The following SCUBE1 variants were observed in gnomAD, a reference collection of about 807,000 sequenced individuals.
SCUBE1 encodes signal peptide, CUB and EGF-like domain-containing protein 1.
A neutral mutation model predicts 124.4 loss-of-function variants in SCUBE1; 59 were observed. The ratio of observed to expected loss-of-function variants is 0.47; its 90% confidence interval spans 0.38 to 0.59. SCUBE1 has a LOEUF of 0.59. Among genes scored for constraint, SCUBE1 ranks in the 20% least tolerant of loss-of-function variants. SCUBE1 has a pLI of 0.00. For missense variants in SCUBE1, 1,150 were observed against 1,371.2 expected, an observed-to-expected ratio of 0.84 and a Z score of 2.55; for synonymous variants, 545 against 550.9, an observed-to-expected ratio of 0.99 and a Z score of 0.15.
chr22:43,296,629 G>A (rs931689265), intron 3 of SCUBE1, among the ~76,000 whole-genome samples: 1 of 152,208 alleles, frequency 6.6e-6, no homozygotes, highest in Non-Finnish European at 1.5e-5. Flanking sequence ...TCCATGCCCG[G>A]TCCTGGGAGG....
At chr22:43,305,958 T>A (rs1288015627) in intron 3 of SCUBE1, among the ~76,000 whole-genome samples, 2 of 152,072 alleles carry the variant, frequency 1.3e-5, no homozygotes, top group Admixed American at 6.5e-5. Flanking sequence ...TGGGATGAGG[T>A]GGGTGACAGG....
At chr22:43,271,179 GT>G (rs61344112) in intron 4 of SCUBE1, among the ~76,000 whole-genome samples, 2,525 of 152,284 alleles carry the variant, frequency 0.017, 74 homozygotes, top group African/African-American at 0.058. Context: ...AAGTGCCTAG[GT>G]TGGACTGGGG....
intron 7 of SCUBE1, 132 bp from the exon 8 acceptor site, chr22:43,232,007 T>A: frequency 9.4e-7 from 1 of 1,068,326 alleles, no homozygotes; most frequent in Non-Finnish European, 1.4e-6. Flanking sequence ...CCAAGCTGGC[T>A]GCTGGCTCCC....
intron 20 of SCUBE1, 49 bp downstream of exon 20, chr22:43,208,023 G>C: frequency 6.2e-7 from 1 of 1,604,412 alleles, no homozygotes; most frequent in Middle Eastern, 1.7e-4. Context: ...GTGTCTCCAG[G>C]GCCCCGCCTG....
At chr22:43,278,134 A>G (rs1222069041) in intron 4 of SCUBE1, among the ~76,000 whole-genome samples, 2 of 152,212 alleles carry the variant, frequency 1.3e-5, no homozygotes. Flanking sequence ...AATGGGCTGG[A>G]TTTATTGTCC....
At chr22:43,227,092 A>C (rs1922348629) in intron 10 of SCUBE1, among the ~76,000 whole-genome samples, 1 of 152,174 alleles carries the variant, frequency 6.6e-6, no homozygotes, top group South Asian at 2.1e-4. Flanking sequence ...GCTGGGCTGC[A>C]CATGGACCTG....
At chr22:43,238,769 T>C in intron 7 of SCUBE1, 69 bp downstream of exon 7, 1 of 1,296,290 alleles carries the variant, frequency 7.7e-7, no homozygotes, top group Non-Finnish European at 1.1e-6. Context: ...GGCCCGGCTA[T>C]GCAAGCACAC....
chr22:43,304,298 A>C (rs917652589), intron 3 of SCUBE1, among the ~76,000 whole-genome samples: 1 of 152,228 alleles, frequency 6.6e-6, no homozygotes. Context: ...GTATTTGTTC[A>C]CTCAGTCACT....
At chr22:43,285,617 C>G (rs767848347) in intron 4 of SCUBE1, among the ~76,000 whole-genome samples, 1 of 152,182 alleles carries the variant, frequency 6.6e-6, no homozygotes, top group Non-Finnish European at 1.5e-5. Context: ...AATGGGCTGT[C>G]CAGTGGGTGG....
chr22:43,327,125 C>T (rs75698565), intron 2 of SCUBE1, among the ~76,000 whole-genome samples: 1,612 of 152,218 alleles, frequency 0.011, 30 homozygotes, highest in African/African-American at 0.035. Context: ...CCTTGCTGAC[C>T]GACTCTCATG....
chr22:43,258,247 G>A lies in SCUBE1; in HGVS notation c.699C>T (p.Ala233=), dbSNP rs150910484. The A allele has an allele frequency of 7.0e-4, 1,127 of 1,613,846 alleles. 5 individuals are homozygous for A. In the African/African-American group the frequency reaches 0.013, roughly 19 times the overall value. Residue 233 remains alanine (A), a synonymous_variant, in exon 6 of 22, where the codon GCC becomes GCT. Coordinates refer to ENST00000360835, the MANE Select transcript of SCUBE1 (RefSeq NM_173050.5). This position sits in a 1 kb window ranked among gnomAD's most constrained non-coding sequence, Gnocchi z 5.0. ...TGCACGTGCGACCGTCTGAGTGGAGGGCGTACTTCTGGTGGCAACCACACG... is the reference window on the plus strand; with the variant it reads ...TGCACGTGCGACCGTCTGAGTGGAGAGCGTACTTCTGGTGGCAACCACACG... ...GPTCGCHQKY[A]LHSDGRTCIE...
intron 4 of SCUBE1, among the ~76,000 whole-genome samples, chr22:43,270,836 C>T (rs374417744): frequency 1.3e-5 from 2 of 152,162 alleles, no homozygotes; most frequent in East Asian, 3.9e-4. Context: ...ACAAAACAAG[C>T]AAAACAAGCA....
intron 3 of SCUBE1, among the ~76,000 whole-genome samples, chr22:43,311,228 TACATGTTC>T (rs764649678): frequency 2.6e-5 from 4 of 152,214 alleles, no homozygotes. Flanking sequence ...GTTACTGAGT[TACATGTTC>T]ACATGTTCAC....
intron 4 of SCUBE1, among the ~76,000 whole-genome samples, chr22:43,271,929 C>T (rs74687276): frequency 0.038 from 5,778 of 152,274 alleles, 250 homozygotes; most frequent in East Asian, 0.19. Flanking sequence ...GGTGAGGATG[C>T]TGAGGCTTAG....
intron 4 of SCUBE1, among the ~76,000 whole-genome samples, chr22:43,279,745 G>A (rs946960082): frequency 2.0e-5 from 3 of 152,176 alleles, no homozygotes; most frequent in African/African-American, 7.2e-5. Context: ...CTGTCTGGTC[G>A]GGACCTGCCT....
At position 43,211,141 on chromosome 22, in the gene SCUBE1, AC is replaced by A; in HGVS notation, c.2222-59del. 6.5e-7 allele frequency: 1 copy of A among 1,534,662 alleles called. No individual in the cohort carries two copies. Among genetic ancestry groups the A allele is most frequent in the Non-Finnish European group, 8.9e-7 (1 of 1,129,864 alleles). The stretch of plus-strand genomic sequence containing the variant: ...TGGAGGGGTGCAGGGAAAGGGCAGC[AC>A]TGGGGTGCTGTCCCCAGGACCTCTC... On this transcript the variant is annotated intron_variant, in intron 17 of 21. Coordinates refer to ENST00000360835, the MANE Select transcript of SCUBE1 (RefSeq NM_173050.5). This position sits in a 1 kb window ranked among gnomAD's most constrained non-coding sequence, Gnocchi z 4.5.
At position 43,223,230 on chromosome 22, in the gene SCUBE1, T is replaced by C; in HGVS notation, c.1208-14A>G. On this transcript the variant is annotated splice_polypyrimidine_tract_variant and intron_variant, in intron 10 of 21. Coordinates refer to ENST00000360835, the MANE Select transcript of SCUBE1 (RefSeq NM_173050.5). ...ACTTGCCTGTCTCTATGAAGGGAGA[T>C]ACGAGAGAGGGCTGAGAGAGGCCAG... The C allele has an allele frequency of 1.3e-6, 2 of 1,563,316 alleles. No homozygotes were observed. Among genetic ancestry groups the C allele is most frequent in the African/African-American group, 1.4e-5 (1 of 71,438 alleles).
chr22:43,320,299 G>A (rs182461606), intron 2 of SCUBE1, among the ~76,000 whole-genome samples: 68 of 152,280 alleles, frequency 4.5e-4, no homozygotes, highest in Admixed American at 1.4e-3. Flanking sequence ...CTGCCTCCAC[G>A]GAGCCAGTGT....
intron 2 of SCUBE1, among the ~76,000 whole-genome samples, chr22:43,334,850 A>G (rs2146799968): frequency 6.6e-6 from 1 of 152,370 alleles, no homozygotes; most frequent in Middle Eastern, 3.4e-3. Flanking sequence ...GTATGAAATA[A>G]GTACTAACAT....
Sources: allele counts gnomAD v4.1 joint callset (sites outside exome capture counted in the v4.1 genomes callset), GRCh38; gene constraint gnomAD v4.1.1; non-coding constraint Gnocchi (gnomAD v3.1); transcripts MANE v1.5; gene names NCBI Gene and HGNC (gene_info 2026-07-23, HGNC 2026-07-21).